The following ZNF394 variants were observed in gnomAD, a reference collection of about 807,000 sequenced individuals.
The protein encoded by ZNF394 is zinc finger protein 99.
A neutral mutation model predicts 21.8 loss-of-function variants in ZNF394; 19 were observed. That is an observed-to-expected ratio of 0.87 (90% confidence interval 0.61 to 1.28). The LOEUF is 1.28. Ranked by LOEUF, ZNF394 falls within the 50% of genes most tolerant of loss-of-function variation. ZNF394 has a pLI of 0.00. For synonymous variants in ZNF394, 294 were observed against 273.3 expected (o/e 1.08, Z -0.75); for missense variants, 683 against 708.6 (o/e 0.96, Z 0.41).
chr7:99,497,087 CGT>C (rs201206255), intron 2 of ZNF394, among the ~76,000 whole-genome samples: 7,928 of 94,494 alleles, frequency 0.084, 433 homozygotes, highest in Non-Finnish European at 0.1. Context: ...TACATACATA[CGT>C]GTGTGTGTGT....
chr7:99,498,767 C>G lies in ZNF394; in HGVS notation c.532G>C (p.Asp178His), dbSNP rs1473575805. Residue 178 changes from aspartate to histidine, a missense_variant, in exon 2 of 3, where the codon GAC (aspartate) becomes CAC (histidine). Asp to His is a moderately conservative substitution (Grantham distance 81). Transcript: ENST00000337673. Reference protein sequence around the residue: ...EWERLDPARRDFCRESAQKDS... With the variant: ...EWERLDPARRHFCRESAQKDS... ...TTCTGCGCACTCTCTCTGCAGAAGTCCCTCCGTGCTGGGTCCAGGCGCTCC... is the reference window on the plus strand; with the variant it reads ...TTCTGCGCACTCTCTCTGCAGAAGTGCCTCCGTGCTGGGTCCAGGCGCTCC... 2 of 1,614,132 alleles carry G rather than the reference C, an allele frequency of 1.2e-6. No individual in the cohort carries two copies. The highest frequency in any genetic ancestry group is 1.7e-6 in the Non-Finnish European group (2 of 1,180,004).
chr7:99,494,322 C>CA lies in ZNF394; in HGVS notation c.892dup (p.Cys298LeufsTer12). On this transcript the variant is annotated frameshift_variant, in exon 3 of 3. Coordinates refer to ENST00000337673, the MANE Select transcript of ZNF394 (RefSeq NM_032164.4). LOFTEE classifies it low-confidence loss of function (END_TRUNC). ...CCTCTCTGCTTTCGGGATGTGCTGA[C>CA]ATAGAACAAGGTTGGAACACCTGGC... 6.2e-7 allele frequency: 1 copy of CA among 1,614,216 alleles called. No individual in the cohort carries two copies. Among genetic ancestry groups the CA allele is most frequent in the Non-Finnish European group, 8.5e-7 (1 of 1,180,030 alleles).
chr7:99,493,548 C>G lies in ZNF394; in HGVS notation c.1667G>C (p.Arg556Pro). The part of the protein sequence containing the change: ...IHQNKVLSAG[R>P]GGSRL ...CTGGGATTATAGGCGTGAGCCACCACGCCCAGCCGACAGCACTTTATTTTG... is the reference window on the plus strand; with the variant it reads ...CTGGGATTATAGGCGTGAGCCACCAGGCCCAGCCGACAGCACTTTATTTTG... Residue 556 changes from arginine to proline, a missense_variant, in exon 3 of 3, where the codon CGT becomes CCT. Physicochemically the swap from Arg to Pro is moderately radical, Grantham distance 103 (BLOSUM62 -2). Coordinates refer to ENST00000337673, the MANE Select transcript of ZNF394 (RefSeq NM_032164.4). The G allele has an allele frequency of 6.2e-7, 1 of 1,607,166 alleles. No homozygotes were observed. Among genetic ancestry groups the G allele is most frequent in the Non-Finnish European group, 8.5e-7 (1 of 1,175,918 alleles).
At position 99,494,209 on chromosome 7, in the gene ZNF394, T is replaced by C. The variant is rs1385099396; in HGVS notation, c.1006A>G (p.Ser336Gly). The C allele has an allele frequency of 3.1e-6, 5 of 1,614,134 alleles. No individual in the cohort carries two copies. Among genetic ancestry groups the C allele is most frequent in the Non-Finnish European group, 4.2e-6 (5 of 1,180,056 alleles). ...WHVLKPHKSD[S>G]GDSFHHSSLF... ...CTGGAATGATGGAAACTGTCTCCAC[T>C]GTCAGACTTGTGAGGTTTCAGCACG... The change falls in exon 3 of 3, where the codon AGT (serine) becomes GGT (glycine). Residue 336 changes from serine to glycine, a missense_variant. Around this residue, in one of 3 missense-constraint regions of ZNF394, gnomAD observed 274 missense variants for 314.1 expected, o/e 0.87. Transcript: ENST00000337673.
At chr7:99,497,155 T>TATATATATATATATATGA (rs1285527600) in intron 2 of ZNF394, among the ~76,000 whole-genome samples, 2 of 132,612 alleles carry the variant, frequency 1.5e-5, no homozygotes, top group African/African-American at 6.4e-5. Flanking sequence ...TATATATATA[T>TATATATATATATATATGA]AAAATGTTTT....
chr7:99,495,782 C>T (rs763463883), intron 2 of ZNF394, among the ~76,000 whole-genome samples: 8 of 152,016 alleles, frequency 5.3e-5, no homozygotes, highest in East Asian at 3.9e-4. Context: ...CCACCACACC[C>T]GGCTAATTTT....
At chr7:99,486,966 G>C in intron 1 of ZNF394, 4 of 1,614,120 alleles carry the variant, frequency 2.5e-6, no homozygotes, top group Non-Finnish European at 8.5e-7. Context: ...AGTGTCACCT[G>C]CAAAACAAGC....
rs1800478068 is a variant in ZNF394, at chr7:99,500,151, A to C, written c.-58T>G. 1 of 1,490,018 alleles carries C rather than the reference A, an allele frequency of 6.7e-7. No individual in the cohort carries two copies. 92.3% of individuals were successfully genotyped at this position (1,490,018 alleles called of 1,614,324 possible). A position where few individuals can be genotyped will look rare whatever the true frequency, so the allele number is the denominator to read the frequency against. On this transcript the variant is annotated 5_prime_UTR_variant, in exon 1 of 3. Transcript: ENST00000337673. ...CTTCTTTTCAGGTGAAGAAAGAGCA[A>C]ACCCAAGGAACTCATCAGCCGTCAA...
chr7:99,498,722 G>C lies in ZNF394; in HGVS notation c.577C>G (p.Pro193Ala). Residue 193 changes from proline (P) to alanine (A), a missense_variant, in exon 2 of 3, where the codon CCG (proline) becomes GCG (alanine). Pro to Ala is a conservative substitution (Grantham distance 27). Transcript: ENST00000337673. ...SAQKDSGSTVPPSLESRVENK... is the reference protein window; with the variant it reads ...SAQKDSGSTVAPSLESRVENK... ...GCAGAGCAACAGCACTCACTCGGCG[G>C]AACTGTGCTCCCGGAATCCTTCTGC... 1 of 1,614,022 alleles carries C rather than the reference G, an allele frequency of 6.2e-7. No homozygotes were observed. The highest frequency in any genetic ancestry group is 1.1e-5 in the South Asian group (1 of 91,074).
At chr7:99,498,591 G>A in intron 2 of ZNF394, 125 bp downstream of exon 2, 4 of 1,406,426 alleles carry the variant, frequency 2.8e-6, no homozygotes, top group East Asian at 2.5e-5. Flanking sequence ...TCCTGCTTGC[G>A]TTACAGAAGG....
chr7:99,498,841 C>A lies in ZNF394; in HGVS notation c.458G>T (p.Gly153Val), dbSNP rs549661925. The A allele has an allele frequency of 6.2e-7, 1 of 1,612,334 alleles. No individual in the cohort carries two copies. The highest frequency in any genetic ancestry group is 2.2e-5 in the East Asian group (1 of 44,852). The part of the protein sequence containing the change: ...QRALDGTSSQ[G>V]MVTFEDTAVS... ...AGCCGTGTCCTCGAAAGTCACCATC[C>A]CCTGGAACAACACAAGAGCCCCATT... Residue 153 changes from glycine (G) to valine (V), a missense_variant and splice_region_variant, in exon 2 of 3, where the codon GGG (glycine) becomes GTG (valine). This residue lies in a region of ZNF394 where 402 missense variants were observed against 373.8 expected (regional missense o/e 1.08). Coordinates refer to ENST00000337673, the MANE Select transcript of ZNF394 (RefSeq NM_032164.4).
rs749788141 is a variant in ZNF394, at chr7:99,493,482, C to T, written c.*47G>A. ...ATGTTGGCCAGGCTGGTTTCAAACT[C>T]CTGATCTCAAATGATCTGCCTGCCT... On this transcript the variant is annotated 3_prime_UTR_variant, in exon 3 of 3. Coordinates refer to ENST00000337673, the MANE Select transcript of ZNF394 (RefSeq NM_032164.4). 1 of 1,481,422 alleles carries T rather than the reference C, an allele frequency of 6.8e-7. No homozygotes were observed. Among genetic ancestry groups the T allele is most frequent in the Non-Finnish European group, 9.1e-7 (1 of 1,098,490 alleles). The allele number at this position is 1,481,422 out of a possible 1,614,324, so 91.8% of individuals were successfully genotyped here.
exon 2 of ZNF394, chr7:99,486,577 G>C (rs1440021242): frequency 1.2e-6 from 2 of 1,614,190 alleles, no homozygotes; most frequent in South Asian, 2.2e-5. Flanking sequence ...GGAATCAGCT[G>C]AGAAACTTTC....
At chr7:99,490,623 C>G (rs1013979001), downstream of ZNF394, among the ~76,000 whole-genome samples, 1 of 145,670 alleles carries the variant, frequency 6.9e-6, no homozygotes, top group Non-Finnish European at 1.5e-5. Context: ...CAAAGTGAGA[C>G]CTTTTTTTTT....
rs548926619 is a variant in ZNF394, at chr7:99,500,096, T to C, written c.-3A>G. ...TGGGCGGTCAAGCTGGAATTCATCT[T>C]TCTCCGGCATGTGCTGCCCTTCCTG... On this transcript the variant is annotated 5_prime_UTR_variant, in exon 1 of 3. Transcript: ENST00000337673. 1 of 1,539,296 alleles carries C rather than the reference T, an allele frequency of 6.5e-7. No homozygotes were observed.
chr7:99,490,482 T>C (rs1800138685), downstream of ZNF394, among the ~76,000 whole-genome samples: 1 of 152,004 alleles, frequency 6.6e-6, no homozygotes, highest in Non-Finnish European at 1.5e-5. Context: ...GTACAAAAAT[T>C]AGCTGGGTGT....
At chr7:99,487,532 CTCTACT>C (rs762568004) in intron 1 of ZNF394, 3 of 1,561,108 alleles carry the variant, frequency 1.9e-6, no homozygotes, top group Non-Finnish European at 2.6e-6. Context: ...ACTTATAAAC[CTCTACT>C]TCAAGTGTGT....
chr7:99,487,529 AACC>A (rs1159925430), intron 1 of ZNF394: 1 of 1,568,420 alleles, frequency 6.4e-7, no homozygotes, highest in Non-Finnish European at 8.6e-7. Flanking sequence ...AGAACTTATA[AACC>A]TCTACTTCAA....
chr7:99,498,750 A>ACTCT lies in ZNF394; in HGVS notation c.545_548dup (p.Ser183ArgfsTer53). 2 of 1,613,648 alleles carry ACTCT rather than the reference A, an allele frequency of 1.2e-6. No homozygotes were observed. The highest frequency in any genetic ancestry group is 1.7e-6 in the Non-Finnish European group (2 of 1,179,916). The stretch of plus-strand genomic sequence containing the variant: ...CTGTGCTCCCGGAATCCTTCTGCGC[A>ACTCT]CTCTCTCTGCAGAAGTCCCTCCGTG... On this transcript the variant is annotated frameshift_variant, in exon 2 of 3. Coordinates refer to ENST00000337673, the MANE Select transcript of ZNF394 (RefSeq NM_032164.4). LOFTEE classifies it low-confidence loss of function (END_TRUNC).
Sources: allele counts gnomAD v4.1 joint callset (sites outside exome capture counted in the v4.1 genomes callset), GRCh38; gene constraint gnomAD v4.1.1; regional missense constraint gnomAD v4.1.1; transcripts MANE v1.5; gene names NCBI Gene and HGNC (gene_info 2026-07-23, HGNC 2026-07-21).